REEP3: variants seen among roughly 807,000 people sequenced by gnomAD.
REEP3 encodes the protein receptor accessory protein 3, also known as receptor expression-enhancing protein 3.
Under a neutral mutation model 41.3 loss-of-function variants are expected in REEP3, and 20 were observed. That is an observed-to-expected ratio of 0.48 (90% confidence interval 0.34 to 0.70). REEP3 has a LOEUF of 0.70. Ranked by LOEUF, REEP3 falls within the 30% of genes least tolerant of loss-of-function variation. The pLI is 0.01. For synonymous variants in REEP3, 104 were observed against 101.8 expected (o/e 1.02, Z -0.13); for missense variants, 271 against 308.8 (o/e 0.88, Z 0.92).
At chr10:63,528,267 G>C (rs925602816) in intron 1 of REEP3, among the ~76,000 whole-genome samples, 1 of 152,014 alleles carries the variant, frequency 6.6e-6, no homozygotes, top group Non-Finnish European at 1.5e-5. Flanking sequence ...TCCCCATCTG[G>C]CTCCTCTGGC....
intron 1 of REEP3, among the ~76,000 whole-genome samples, chr10:63,532,950 A>C (rs1476628059): frequency 6.6e-6 from 1 of 152,220 alleles, no homozygotes; most frequent in Non-Finnish European, 1.5e-5. Flanking sequence ...TAACTGTCTT[A>C]GAGTCATCAC....
chr10:63,543,599 C>T (rs1049242313), intron 1 of REEP3, among the ~76,000 whole-genome samples: 1 of 151,972 alleles, frequency 6.6e-6, no homozygotes, highest in South Asian at 2.1e-4. Context: ...TCTCAACTTA[C>T]GTAAATTGTG....
At chr10:63,585,543 G>A (rs766961836) in intron 2 of REEP3, among the ~76,000 whole-genome samples, 17 of 152,062 alleles carry the variant, frequency 1.1e-4, no homozygotes, top group Non-Finnish European at 2.2e-4. Flanking sequence ...AAAGCTTTGT[G>A]GGTGTAGGAA....
In REEP3 at chr10:63,521,559, T is replaced by C; in HGVS notation, c.14T>C (p.Met5Thr). The change falls in exon 1 of 8, where the codon ATG becomes ACG. Residue 5 changes from methionine (M) to threonine (T), a missense_variant. Met to Thr is a moderately conservative substitution (Grantham distance 81). Transcript: ENST00000373758. MVSW[M>T]ISRAVVLVFG... ...GCCCCCGTGAAGATGGTGTCCTGGA[T>C]GATCTCCAGAGCCGTGGTGTAAGTG... 7.0e-7 allele frequency: 1 copy of C among 1,436,808 alleles called. No homozygotes were observed. Among genetic ancestry groups the C allele is most frequent in the Non-Finnish European group, 9.2e-7 (1 of 1,084,012 alleles). The allele number at this position is 1,436,808 out of a possible 1,614,324, so 89.0% of individuals were successfully genotyped here.
intron 5 of REEP3, among the ~76,000 whole-genome samples, chr10:63,607,103 TA>T (rs1283317346): frequency 6.6e-6 from 1 of 152,230 alleles, no homozygotes; most frequent in African/African-American, 2.4e-5. Context: ...ACCCATCCTT[TA>T]AACTGGTTAC....
chr10:63,548,897 A>G (rs1055119953), intron 1 of REEP3, among the ~76,000 whole-genome samples: 6 of 152,216 alleles, frequency 3.9e-5, no homozygotes, highest in Non-Finnish European at 7.3e-5. Context: ...TAAAGAATAT[A>G]CTACTGTTAC....
Position 63,622,805 on chromosome 10 carries a change from C to T in REEP3, c.*1936C>T, listed in dbSNP as rs1956364806. ...CACTACAACCTCTGCCTCCCGGGTTCGAGCGATTCTCCTGCCTCGGCCTCC... is the reference window on the plus strand; with the variant it reads ...CACTACAACCTCTGCCTCCCGGGTTTGAGCGATTCTCCTGCCTCGGCCTCC... On this transcript the variant is annotated 3_prime_UTR_variant, in exon 8 of 8. Transcript: ENST00000373758. 6.7e-6 allele frequency: 1 copy of T among 149,284 alleles called. No homozygotes were observed. The highest frequency in any genetic ancestry group is 6.8e-5 in the Admixed American group (1 of 14,794). The allele number at this position is 149,284 out of a possible 1,614,324, so 9.2% of individuals were successfully genotyped here.
chr10:63,593,557 C>T (rs775301179), intron 2 of REEP3, among the ~76,000 whole-genome samples: 14 of 152,174 alleles, frequency 9.2e-5, no homozygotes, highest in Admixed American at 2.6e-4. Context: ...CGTAATTCCT[C>T]GCCCCCTGGT....
At chr10:63,527,304 A>C (rs10761782) in intron 1 of REEP3, among the ~76,000 whole-genome samples, 1 of 151,428 alleles carries the variant, frequency 6.6e-6, no homozygotes, top group Admixed American at 6.6e-5. Flanking sequence ...AAAAAAAAAA[A>C]CTCTTTTAAT....
intron 1 of REEP3, among the ~76,000 whole-genome samples, chr10:63,555,576 G>C (rs989599965): frequency 6.6e-6 from 1 of 152,080 alleles, no homozygotes; most frequent in Admixed American, 6.6e-5. Flanking sequence ...TCTACTCTTT[G>C]TAACTCTCTC....
At chr10:63,521,859 C>G (rs960653368) in intron 1 of REEP3, 8 of 174,806 alleles carry the variant, frequency 4.6e-5, no homozygotes, top group Non-Finnish European at 4.8e-5. Context: ...CGCGGCGCCC[C>G]TGCTCCGGCG....
chr10:63,591,365 G>A (rs915342164), intron 2 of REEP3, among the ~76,000 whole-genome samples: 11 of 151,742 alleles, frequency 7.2e-5, no homozygotes, highest in South Asian at 6.2e-4. Flanking sequence ...TTTAATTTTT[G>A]CCTGTATTCA....
chr10:63,567,866 C>T (rs540929413), intron 2 of REEP3, among the ~76,000 whole-genome samples: 9 of 151,992 alleles, frequency 5.9e-5, no homozygotes, highest in African/African-American at 1.2e-4. Context: ...TAAACTTTTA[C>T]GGTCATTTTT....
In REEP3 at chr10:63,610,358, C is replaced by T. The variant is rs555113605; in HGVS notation, c.565+24C>T. ...AGGTGTGCTTGTGTGTTTTAATATA[C>T]GGTTCTTTTACATGGAAACAGGGAG... On this transcript the variant is annotated intron_variant, in intron 6 of 7. Transcript: ENST00000373758. 54 of 1,548,084 alleles carry T rather than the reference C, an allele frequency of 3.5e-5. No individual in the cohort carries two copies. The Middle Eastern group carries it at 5.0e-4, about 14-fold the overall frequency.
intron 1 of REEP3, chr10:63,562,547 G>C (rs1955750845): frequency 2.2e-6 from 1 of 456,328 alleles, no homozygotes; most frequent in Non-Finnish European, 4.4e-6. Context: ...ATGAGCCACT[G>C]CTCCTAGCCT....
At chr10:63,568,018 G>A (rs961006107) in intron 2 of REEP3, among the ~76,000 whole-genome samples, 1 of 152,046 alleles carries the variant, frequency 6.6e-6, no homozygotes, top group African/African-American at 2.4e-5. Flanking sequence ...GTGTCTTTTG[G>A]ACCTAGGATT....
At chr10:63,609,977 T>C (rs1317467284) in intron 5 of REEP3, among the ~76,000 whole-genome samples, 4 of 152,150 alleles carry the variant, frequency 2.6e-5, no homozygotes, top group African/African-American at 9.7e-5. Flanking sequence ...CCAACTTACT[T>C]TGAAATGCAT....
intron 1 of REEP3, among the ~76,000 whole-genome samples, chr10:63,546,837 C>T (rs1315873579): frequency 6.6e-6 from 1 of 152,022 alleles, no homozygotes; most frequent in East Asian, 1.9e-4. Flanking sequence ...CTATCTCAGA[C>T]CAAACACAAA....
At chr10:63,551,241 A>G (rs1955626173) in intron 1 of REEP3, among the ~76,000 whole-genome samples, 1 of 152,254 alleles carries the variant, frequency 6.6e-6, no homozygotes, top group African/African-American at 2.4e-5. Flanking sequence ...GACACAGGAC[A>G]TTGAGAAAGA....
Sources: allele counts gnomAD v4.1 joint callset (sites outside exome capture counted in the v4.1 genomes callset), GRCh38; gene constraint gnomAD v4.1.1; transcripts MANE v1.5; gene names NCBI Gene and HGNC (gene_info 2026-07-23, HGNC 2026-07-21).